Variants in RAD51AP2 observed in about 807,000 individuals in gnomAD.
RAD51AP2 encodes RAD51-associated protein 2.
RAD51AP2 carries 67 observed loss-of-function variants against 85.5 expected under a neutral mutation model. The observed-to-expected ratio is 0.78, with a 90% CI of 0.64 to 0.96. The LOEUF is 0.96. Among genes scored for constraint, RAD51AP2 ranks in the 40% least tolerant of loss-of-function variants. RAD51AP2 has a pLI of 0.00. For missense variants in RAD51AP2, 1,307 were observed against 1,332.4 expected (o/e 0.98, Z 0.30); for synonymous variants, 474 against 446.5 (o/e 1.06, Z -0.78).
chr2:17,510,837 T>G lies in RAD51AP2; in HGVS notation c.3447A>C (p.Gln1149His), dbSNP rs780331638. 6.3e-7 allele frequency: 1 copy of G among 1,595,484 alleles called. No homozygotes were observed. Among genetic ancestry groups the G allele is most frequent in the South Asian group, 1.1e-5 (1 of 87,102 alleles). ...RIKQLHPYLK[Q>H]MCYGNLKENF ...TTTCTTTTAAGTTTCCGTAACACAT[T>G]TGTTTCAGATAAGGATGAAGTTGTT... The change falls in exon 3 of 3, where the codon CAA becomes CAC. Residue 1149 changes from glutamine (Q) to histidine (H), a missense_variant. Around this residue, in one of 3 missense-constraint regions of RAD51AP2, gnomAD observed 668 missense variants for 671.0 expected, o/e 1.00. Coordinates refer to ENST00000399080, the MANE Select transcript of RAD51AP2 (RefSeq NM_001099218.3).
rs1558434238 is a variant in RAD51AP2 at position 17,514,025 on chromosome 2, ATAAT to A, written c.3311_3314del (p.Asn1104IlefsTer3). On this transcript the variant is annotated frameshift_variant, in exon 2 of 3. Coordinates refer to ENST00000399080, the MANE Select transcript of RAD51AP2 (RefSeq NM_001099218.3). LOFTEE classifies it high-confidence loss of function. Reference sequence around the variant, plus strand: ...CCACAATGTTACCTCCTCTCAATAAATAATTAAATTCTTCTTTACATTCATCAGG... The same window carrying A: ...CCACAATGTTACCTCCTCTCAATAAATAAATTCTTCTTTACATTCATCAGG... 4.5e-6 allele frequency: 7 copies of A among 1,549,042 alleles called. No individual in the cohort carries two copies. The highest frequency in any genetic ancestry group is 6.2e-6 in the Non-Finnish European group (7 of 1,123,268).
chr2:17,526,317 G>C, the RAD51AP2 span, among the ~76,000 whole-genome samples: 1 of 150,000 alleles, frequency 6.7e-6, no homozygotes, highest in Non-Finnish European at 1.5e-5. Flanking sequence ...TGGACACAAG[G>C]CTCGTCTTTC....
chr2:17,511,535 T>C lies in RAD51AP2; in HGVS notation c.3329-580A>G, dbSNP rs754417515. Among the ~76,000 whole-genome samples the C allele has an allele frequency of 2.0e-5, 3 of 152,242 alleles. No individual in the cohort carries two copies. The East Asian group carries it at 5.8e-4, about 29-fold the overall frequency. Reference sequence around the variant, plus strand: ...TCAGTTATGTAAAATCAACTACCTCTGATAATAAAATACAATATCTCTAAC... The same window carrying C: ...TCAGTTATGTAAAATCAACTACCTCCGATAATAAAATACAATATCTCTAAC... On this transcript the variant is annotated intron_variant, in intron 2 of 2. Coordinates refer to ENST00000399080, the MANE Select transcript of RAD51AP2 (RefSeq NM_001099218.3).
At chr2:17,530,559 T>G in the RAD51AP2 span, among the ~76,000 whole-genome samples, 4 of 117,110 alleles carry the variant, frequency 3.4e-5, no homozygotes, top group African/African-American at 1.1e-4. Flanking sequence ...GGATCCAGCC[T>G]GGGAAATAGA....
At chr2:17,513,960 A>G in intron 2 of RAD51AP2, 52 bp downstream of exon 2, 2 of 946,208 alleles carry the variant, frequency 2.1e-6, no homozygotes, top group African/African-American at 1.6e-5. Flanking sequence ...TAAAAATACC[A>G]TAATGCAATA....
At position 17,515,173 on chromosome 2, in the gene RAD51AP2, C is replaced by G. The variant is rs368491976; in HGVS notation, c.3243G>C (p.Glu1081Asp). The change falls in exon 1 of 3, where the codon GAG becomes GAC. Residue 1081 changes from glutamate (E) to aspartate (D), a missense_variant. By Grantham distance (45) the Glu-to-Asp change is conservative. Around this residue, in one of 3 missense-constraint regions of RAD51AP2, gnomAD observed 668 missense variants for 671.0 expected, o/e 1.00. Transcript: ENST00000399080. ...GTTCTAAAATGAATTTCATACCTTT[C>G]TCAGAAGTAGAGTAAAGTAATTCTT... ...SEEELLYSTSEKDCETPLPKR... is the reference protein window; with the variant it reads ...SEEELLYSTSDKDCETPLPKR... 2 of 1,559,368 alleles carry G rather than the reference C, an allele frequency of 1.3e-6. No homozygotes were observed. Among genetic ancestry groups the G allele is most frequent in the African/African-American group, 2.8e-5 (2 of 72,536 alleles).
chr2:17,535,315 A>C, the RAD51AP2 span, among the ~76,000 whole-genome samples: 81 of 152,338 alleles, frequency 5.3e-4, 1 homozygote, highest in Middle Eastern at 0.027. Context: ...TTGAGCATAG[A>C]GCACTAAAAA....
chr2:17,533,652 A>T, the RAD51AP2 span, among the ~76,000 whole-genome samples: 2 of 152,252 alleles, frequency 1.3e-5, no homozygotes, highest in Non-Finnish European at 2.9e-5. Context: ...AAAATCATAT[A>T]TGTGTAATCC....
chr2:17,537,197 C>A, the RAD51AP2 span, among the ~76,000 whole-genome samples: 3,679 of 152,040 alleles, frequency 0.024, 44 homozygotes, highest in Middle Eastern at 0.054. Flanking sequence ...TGGTGTGTGT[C>A]TGTAGTACCA....
rs538104375 is a variant in RAD51AP2, at chr2:17,517,916, A to G, written c.500T>C (p.Ile167Thr). Reference sequence around the variant, plus strand: ...TCGATTCTCATTTCTAATTCCATGTATATCGTGTATAGAGGTGCTGGGCAG... The same window carrying G: ...TCGATTCTCATTTCTAATTCCATGTGTATCGTGTATAGAGGTGCTGGGCAG... Reference protein sequence around the residue: ...QLLPSTSIHDIHGIRNENRKQ... With the variant: ...QLLPSTSIHDTHGIRNENRKQ... The change falls in exon 1 of 3, where the codon ATA becomes ACA. Residue 167 changes from isoleucine (I) to threonine (T), a missense_variant. Coordinates refer to ENST00000399080, the MANE Select transcript of RAD51AP2 (RefSeq NM_001099218.3). 5 of 1,614,092 alleles carry G rather than the reference A, an allele frequency of 3.1e-6. No homozygotes were observed. In the South Asian group the frequency reaches 5.5e-5, roughly 18 times the overall value.
At chr2:17,531,836 T>C in the RAD51AP2 span, among the ~76,000 whole-genome samples, 1 of 152,210 alleles carries the variant, frequency 6.6e-6, no homozygotes, top group African/African-American at 2.4e-5. Flanking sequence ...TAACTTATTA[T>C]CCAGAATTTC....
At chr2:17,523,341 T>C (rs770424552), upstream of RAD51AP2, among the ~76,000 whole-genome samples, 3 of 151,920 alleles carry the variant, frequency 2.0e-5, no homozygotes, top group Non-Finnish European at 4.4e-5. Context: ...CGTGGGTAGT[T>C]TGGAAGTATT....
At chr2:17,512,323 C>T (rs1417700284) in intron 2 of RAD51AP2, among the ~76,000 whole-genome samples, 1 of 152,164 alleles carries the variant, frequency 6.6e-6, no homozygotes, top group Non-Finnish European at 1.5e-5. Context: ...CATATTAACC[C>T]CATTCCCCAG....
chr2:17,535,286 T>G, the RAD51AP2 span, among the ~76,000 whole-genome samples: 1 of 152,202 alleles, frequency 6.6e-6, no homozygotes, highest in Non-Finnish European at 1.5e-5. Flanking sequence ...TTTGGTATAC[T>G]GCAGGTAACA....
chr2:17,518,020 C>G lies in RAD51AP2; in HGVS notation c.396G>C (p.Arg132Ser), dbSNP rs1372668905. 2 of 1,614,042 alleles carry G rather than the reference C, an allele frequency of 1.2e-6. No homozygotes were observed. Among genetic ancestry groups the G allele is most frequent in the African/African-American group, 2.7e-5 (2 of 74,908 alleles). Reference sequence around the variant, plus strand: ...CTCTGTCATGCAGGCCTGCCTCAGACCTTCCTGAAGCCCTCAAATCAGAAT... The same window carrying G: ...CTCTGTCATGCAGGCCTGCCTCAGAGCTTCCTGAAGCCCTCAAATCAGAAT... ...SPDSDLRASG[R>S]SEAGLHDREA... is the part of the protein sequence containing the mutation. Residue 132 changes from arginine to serine, a missense_variant, in exon 1 of 3, where the codon AGG becomes AGC. Physicochemically the swap from Arg to Ser is moderately radical, Grantham distance 110. Transcript: ENST00000399080.
At chr2:17,512,093 A>G (rs965761560) in intron 2 of RAD51AP2, among the ~76,000 whole-genome samples, 1 of 152,196 alleles carries the variant, frequency 6.6e-6, no homozygotes, top group African/African-American at 2.4e-5. Context: ...TCAATACTGT[A>G]CTTGCCTTCA....
At position 17,516,180 on chromosome 2, in the gene RAD51AP2, G is replaced by A. The variant is rs763005918; in HGVS notation, c.2236C>T (p.Arg746Ter). 6.2e-6 allele frequency: 10 copies of A among 1,612,726 alleles called. No homozygotes were observed. The highest frequency in any genetic ancestry group is 2.7e-5 in the African/African-American group (2 of 74,776). The stretch of plus-strand genomic sequence containing the variant: ...TAAAAATTTTCATTAATGTATCCTC[G>A]GTTGTTCTGTATAAATTGAGGACAA... ...NSCPQFIQNN[R>*]GYINENFYEV... Residue 746 changes from arginine (R) to a stop codon, truncating the protein, a stop_gained, in exon 1 of 3, where the codon CGA (arginine) becomes TGA (stop). Transcript: ENST00000399080. LOFTEE classifies it high-confidence loss of function.
the RAD51AP2 span, among the ~76,000 whole-genome samples, chr2:17,536,720 A>C: frequency 6.6e-6 from 1 of 152,230 alleles, no homozygotes; most frequent in South Asian, 2.1e-4. Context: ...TTACAGAGTG[A>C]AATCAGAGGA....
rs772702888 is a variant in RAD51AP2, at chr2:17,517,837, T to C, written c.579A>G (p.Leu193=). 25 of 1,614,074 alleles carry C rather than the reference T, an allele frequency of 1.5e-5. No homozygotes were observed. The South Asian group carries it at 2.6e-4, about 17-fold the overall frequency. The change falls in exon 1 of 3, where the codon TTA becomes TTG. Residue 193 remains leucine (L), a synonymous_variant. Coordinates refer to ENST00000399080, the MANE Select transcript of RAD51AP2 (RefSeq NM_001099218.3). ...RDNVHKENPF[L]DVTFYKETKS... Reference sequence around the variant, plus strand: ...TAGTTTCCTTGTAAAAGGTAACATCTAAAAATGGATTTTCTTTGTGAACAT... The same window carrying C: ...TAGTTTCCTTGTAAAAGGTAACATCCAAAAATGGATTTTCTTTGTGAACAT...
Sources: gnomAD v4.1 joint callset for allele counts (sites outside exome capture counted in the v4.1 genomes callset) on GRCh38, gnomAD v4.1.1 for gene constraint, gnomAD v4.1.1 regional missense constraint, MANE v1.5 for transcripts, NCBI Gene and HGNC (gene_info 2026-07-23, HGNC 2026-07-21) for gene names.